ARB2A: variants seen among roughly 807,000 people sequenced by gnomAD.
The protein encoded by ARB2A is ARB2 cotranscriptional regulator A, also known as cotranscriptional regulator ARB2A.
At chr5:94,024,185 T>C in the ARB2A span, among the ~76,000 whole-genome samples, 7 of 152,200 alleles carry the variant, frequency 4.6e-5, no homozygotes, top group Non-Finnish European at 8.8e-5. Flanking sequence ...TCTGTGAGGA[T>C]GTTTTTAGAT....
chr5:94,010,760 T>C, the ARB2A span, among the ~76,000 whole-genome samples: 1 of 152,004 alleles, frequency 6.6e-6, no homozygotes, highest in Non-Finnish European at 1.5e-5. Flanking sequence ...CCAAAAAGTA[T>C]AATTATTATT....
chr5:93,854,988 G>A, the ARB2A span, among the ~76,000 whole-genome samples: 4 of 152,162 alleles, frequency 2.6e-5, no homozygotes, highest in African/African-American at 7.2e-5. Context: ...ATGATGCAGA[G>A]CTGAGTTCAA....
the ARB2A span, chr5:93,621,125 G>T: frequency 6.2e-7 from 1 of 1,611,148 alleles, no homozygotes; most frequent in South Asian, 1.1e-5. Context: ...CGTGACGGTC[G>T]GTGCCTGCAA....
chr5:93,707,224 G>A, the ARB2A span, among the ~76,000 whole-genome samples: 1 of 152,096 alleles, frequency 6.6e-6, no homozygotes, highest in Non-Finnish European at 1.5e-5. Flanking sequence ...TGAAATGTAA[G>A]GATTAAATTG....
At chr5:94,001,886 T>C in the ARB2A span, among the ~76,000 whole-genome samples, 2 of 152,128 alleles carry the variant, frequency 1.3e-5, no homozygotes, top group Admixed American at 1.3e-4. Context: ...CCAAACATGA[T>C]GTACATGGTA....
chr5:93,865,447 A>G, the ARB2A span: 1 of 985,214 alleles, frequency 1.0e-6, no homozygotes, highest in Non-Finnish European at 1.2e-6. Context: ...TTTAATATCT[A>G]GCACTTGTGA....
the ARB2A span, among the ~76,000 whole-genome samples, chr5:93,854,928 T>C: frequency 4.6e-5 from 7 of 152,308 alleles, no homozygotes; most frequent in Non-Finnish European, 1.0e-4. Context: ...AAAAAATGTA[T>C]ATTCTGTTGA....
At chr5:93,709,747 T>C in the ARB2A span, among the ~76,000 whole-genome samples, 1 of 151,454 alleles carries the variant, frequency 6.6e-6, no homozygotes, top group Admixed American at 6.6e-5. Flanking sequence ...TATAAATCCA[T>C]AGAAATTAGA....
chr5:93,828,297 A>G, the ARB2A span, among the ~76,000 whole-genome samples: 1 of 152,180 alleles, frequency 6.6e-6, no homozygotes, highest in African/African-American at 2.4e-5. Context: ...CTCCTTGAAG[A>G]GGTCCTTCAC....
At chr5:94,073,867 G>C in the ARB2A span, among the ~76,000 whole-genome samples, 1 of 151,996 alleles carries the variant, frequency 6.6e-6, no homozygotes, top group Non-Finnish European at 1.5e-5. Context: ...ACAGCTCTTT[G>C]TGAAGGTCAA....
chr5:93,865,312 AC>A, the ARB2A span: 1 of 696,698 alleles, frequency 1.4e-6, no homozygotes, highest in Non-Finnish European at 1.8e-6. Flanking sequence ...CGATCTCCTG[AC>A]CTTGTGATCC....
the ARB2A span, among the ~76,000 whole-genome samples, chr5:93,869,740 A>G: frequency 2.4e-4 from 37 of 152,008 alleles, no homozygotes; most frequent in Admixed American, 2.4e-3. Context: ...GGTTCTCTGT[A>G]ATCTCCCCCA....
the ARB2A span, among the ~76,000 whole-genome samples, chr5:93,711,198 T>C: frequency 6.6e-6 from 1 of 151,316 alleles, no homozygotes; most frequent in Non-Finnish European, 1.5e-5. Flanking sequence ...GTTCTATTTT[T>C]TTTTTTGTTT....
At chr5:93,880,975 A>G in the ARB2A span, among the ~76,000 whole-genome samples, 2 of 151,774 alleles carry the variant, frequency 1.3e-5, no homozygotes, top group South Asian at 4.2e-4. Flanking sequence ...GCTCATCGTA[A>G]AACAATGCAT....
the ARB2A span, among the ~76,000 whole-genome samples, chr5:93,650,136 C>A: frequency 1.4e-5 from 2 of 144,294 alleles, no homozygotes; most frequent in African/African-American, 2.6e-5. Flanking sequence ...TCAGAAATAA[C>A]AACTTGGAAC....
At chr5:93,843,956 G>T in the ARB2A span, among the ~76,000 whole-genome samples, 1 of 151,826 alleles carries the variant, frequency 6.6e-6, no homozygotes, top group African/African-American at 2.4e-5. Context: ...CCAGTATAAT[G>T]AATGAAATAT....
At chr5:93,723,980 CTG>C in the ARB2A span, among the ~76,000 whole-genome samples, 1 of 151,992 alleles carries the variant, frequency 6.6e-6, no homozygotes, top group South Asian at 2.1e-4. Flanking sequence ...AGAGTCATAA[CTG>C]AATTATTGAG....
chr5:93,886,738 C>G, the ARB2A span, among the ~76,000 whole-genome samples: 1 of 151,628 alleles, frequency 6.6e-6, no homozygotes, highest in Non-Finnish European at 1.5e-5. Context: ...TTTCTCAAGA[C>G]GTGACCTGGG....
At chr5:93,669,212 T>C in the ARB2A span, among the ~76,000 whole-genome samples, 2 of 152,234 alleles carry the variant, frequency 1.3e-5, no homozygotes, top group African/African-American at 4.8e-5. Context: ...AAGACAGCTT[T>C]GCTCTTTAGA....
Sources: gnomAD v4.1 joint callset for allele counts (sites outside exome capture counted in the v4.1 genomes callset) on GRCh38, gnomAD v4.1.1 for gene constraint, MANE v1.5 for transcripts, NCBI Gene and HGNC (gene_info 2026-07-23, HGNC 2026-07-21) for gene names.